Variants in FOXP1 observed in about 807,000 individuals in gnomAD.
FOXP1 encodes the protein forkhead box protein P1.
In FOXP1, 15 loss-of-function variants were observed where a neutral mutation model predicts 98.2. The observed-to-expected ratio is 0.15, with a 90% CI of 0.10 to 0.24. The LOEUF is 0.24. Among genes scored for constraint, FOXP1 ranks in the 10% least tolerant of loss-of-function variants. The probability of loss-of-function intolerance (pLI) is 1.00; values close to 1 mark genes in which losing one functional copy is unlikely to be tolerated. For synonymous variants in FOXP1, 371 were observed against 314.5 expected, an observed-to-expected ratio of 1.18 and a Z score of -1.90; for missense variants, 633 against 848.5, an observed-to-expected ratio of 0.75 and a Z score of 3.15.
rs139652000 is a variant in FOXP1 at position 71,213,121 on chromosome 3, A to T, written c.-11-14729T>A. Among the ~76,000 whole-genome samples, 485 of 152,318 alleles carry T rather than the reference A, an allele frequency of 3.2e-3. 1 individual carries two copies. The highest frequency in any genetic ancestry group is 0.011 in the African/African-American group (451 of 41,572). On this transcript the variant is annotated intron_variant, in intron 5 of 20. Coordinates refer to ENST00000649528, the MANE Select transcript of FOXP1 (RefSeq NM_001349338.3). ...AGATTAAATCCAAAATAACACTCCC[A>T]AACAAATGAAAATTAAATGAAGGGA...
In FOXP1 at chr3:71,015,634, G is replaced by A. The variant is rs2107740209; in HGVS notation, c.889C>T (p.Pro297Ser). 1 of 1,611,144 alleles carries A rather than the reference G, an allele frequency of 6.2e-7. No homozygotes were observed. The highest frequency in any genetic ancestry group is 8.5e-7 in the Non-Finnish European group (1 of 1,177,526). ...KRESLSHEEH[P>S]HSHPLYGHGV... Reference sequence around the variant, plus strand: ...TGTCCATAGAGAGGATGGCTATGGGGGTGCTCCTCATGGGACAAACTGAAA... The same window carrying A: ...TGTCCATAGAGAGGATGGCTATGGGAGTGCTCCTCATGGGACAAACTGAAA... Residue 297 changes from proline (P) to serine (S), a missense_variant, in exon 12 of 21, where the codon CCC (proline) becomes TCC (serine). Physicochemically the swap from Pro to Ser is moderately conservative, Grantham distance 74 (BLOSUM62 -1). Transcript: ENST00000649528.
At chr3:71,395,407 G>A (rs553546208) in intron 3 of FOXP1, among the ~76,000 whole-genome samples, 15 of 149,930 alleles carry the variant, frequency 1.0e-4, no homozygotes, top group Non-Finnish European at 2.1e-4. Context: ...ATACCCCAGG[G>A]TCTGAACACT....
At chr3:71,098,438 T>G (rs2056668462) in intron 7 of FOXP1, among the ~76,000 whole-genome samples, 1 of 152,158 alleles carries the variant, frequency 6.6e-6, no homozygotes, top group Non-Finnish European at 1.5e-5. Flanking sequence ...TGATTTTCAC[T>G]CCATACCTGG....
chr3:71,481,821 G>A (rs1271869087), intron 3 of FOXP1, among the ~76,000 whole-genome samples: 1 of 151,886 alleles, frequency 6.6e-6, no homozygotes, highest in African/African-American at 2.4e-5. Context: ...CTCTAAAGGC[G>A]CCTTGAGAAT....
chr3:71,259,882 T>C (rs1268181865), intron 5 of FOXP1, among the ~76,000 whole-genome samples: 1 of 152,100 alleles, frequency 6.6e-6, no homozygotes, highest in Non-Finnish European at 1.5e-5. Flanking sequence ...CTTTGGTGGA[T>C]AGAGGGTGGG....
At position 70,997,105 on chromosome 3, in the gene FOXP1, A is replaced by G. The variant is rs922083667; in HGVS notation, c.1062+3867T>C. On this transcript the variant is annotated intron_variant, in intron 13 of 20. Coordinates refer to ENST00000649528, the MANE Select transcript of FOXP1 (RefSeq NM_001349338.3). ...AATACGAAATAGGCTTTGGGTCAGT[A>G]ATGTGCAGGTAATCCCCTCTAAAGG... Among the ~76,000 whole-genome samples, 6 of 152,326 alleles carry G rather than the reference A, an allele frequency of 3.9e-5. No individual in the cohort carries two copies. In the South Asian group the frequency reaches 8.3e-4, roughly 21 times the overall value.
At chr3:71,102,283 C>T (rs764672700) in intron 7 of FOXP1, among the ~76,000 whole-genome samples, 1 of 152,156 alleles carries the variant, frequency 6.6e-6, no homozygotes, top group Non-Finnish European at 1.5e-5. Flanking sequence ...TTCTAATATA[C>T]ACAGTACACA....
At chr3:71,232,877 CAAAAAAA>C (rs59404230) in intron 5 of FOXP1, among the ~76,000 whole-genome samples, 4 of 31,422 alleles carry the variant, frequency 1.3e-4, no homozygotes, top group African/African-American at 4.3e-4. Flanking sequence ...AACTCTGTCT[CAAAAAAA>C]AAAAAAAAAA....
chr3:71,003,648 G>T (rs376048768), intron 12 of FOXP1, among the ~76,000 whole-genome samples: 2 of 152,064 alleles, frequency 1.3e-5, no homozygotes, highest in African/African-American at 2.4e-5. Context: ...GGCAGACAAC[G>T]TATTTCATGA....
chr3:71,125,242 ATTACT>A lies in FOXP1; in HGVS notation c.181-12610_181-12606del, dbSNP rs200780817. Among the ~76,000 whole-genome samples, 4 of 152,322 alleles carry A rather than the reference ATTACT, an allele frequency of 2.6e-5. No homozygotes were observed. In the East Asian group the frequency reaches 7.7e-4, roughly 29 times the overall value. On this transcript the variant is annotated intron_variant, in intron 6 of 20. Coordinates refer to ENST00000649528, the MANE Select transcript of FOXP1 (RefSeq NM_001349338.3). ...GAATCCCAACTACGATTGGTTCTAA[ATTACT>A]TTATATAAACAGAAAGTTTATGTAA...
chr3:71,307,982 T>C (rs1388916595), intron 4 of FOXP1, among the ~76,000 whole-genome samples: 1 of 152,226 alleles, frequency 6.6e-6, no homozygotes, highest in African/African-American at 2.4e-5. Context: ...GCTAAGCTCC[T>C]TGCTGAAAGA....
intron 6 of FOXP1, among the ~76,000 whole-genome samples, chr3:71,194,568 G>A (rs2063189216): frequency 1.5e-5 from 2 of 135,994 alleles, no homozygotes; most frequent in African/African-American, 5.6e-5. Context: ...AATTGTTCTG[G>A]ACATTTTAAA....
chr3:71,198,421 A>AGGGTGGGGGGGG (rs763275028), intron 5 of FOXP1, 29 bp from the exon 6 acceptor site: 2 of 388,992 alleles, frequency 5.1e-6, no homozygotes, highest in Non-Finnish European at 9.5e-6. Flanking sequence ...AGATGGGGGG[A>AGGGTGGGGGGGG]GGGAGGGGGG....
At chr3:71,384,532 G>C (rs931293488) in intron 3 of FOXP1, among the ~76,000 whole-genome samples, 6 of 152,170 alleles carry the variant, frequency 3.9e-5, no homozygotes, top group Admixed American at 2.6e-4. Context: ...AAAAGTCAAA[G>C]TGACCTCAGC....
intron 5 of FOXP1, among the ~76,000 whole-genome samples, chr3:71,294,328 T>A (rs530464143): frequency 6.6e-6 from 1 of 152,324 alleles, no homozygotes; most frequent in African/African-American, 2.4e-5. Context: ...CACAACAGCA[T>A]ATAAGGAAAT....
intron 7 of FOXP1, among the ~76,000 whole-genome samples, chr3:71,067,175 CG>C (rs2052622298): frequency 6.6e-6 from 1 of 152,184 alleles, no homozygotes; most frequent in Non-Finnish European, 1.5e-5. Context: ...GAGCCCATCT[CG>C]CCCTGTCTCC....
chr3:71,486,929 G>A (rs540663328), intron 3 of FOXP1, among the ~76,000 whole-genome samples: 1 of 152,298 alleles, frequency 6.6e-6, no homozygotes, highest in South Asian at 2.1e-4. Context: ...GTATTGATAA[G>A]AAGTAAGATT....
At chr3:71,543,330 C>T (rs1479950029) in intron 2 of FOXP1, 1 of 152,150 alleles carries the variant, frequency 6.6e-6, no homozygotes, top group African/African-American at 2.4e-5. Flanking sequence ...AAACTGCTGT[C>T]AGCCAAATTG....
At chr3:71,358,131 G>C (rs894534716) in intron 4 of FOXP1, among the ~76,000 whole-genome samples, 1 of 152,090 alleles carries the variant, frequency 6.6e-6, no homozygotes, top group African/African-American at 2.4e-5. Context: ...CATACTTGTA[G>C]GCATCCAAAG....
Sources: gnomAD v4.1 joint callset for allele counts (sites outside exome capture counted in the v4.1 genomes callset) on GRCh38, gnomAD v4.1.1 for gene constraint, MANE v1.5 for transcripts, NCBI Gene and HGNC (gene_info 2026-07-23, HGNC 2026-07-21) for gene names.